AVEN: variants seen among roughly 807,000 people sequenced by gnomAD.
The protein encoded by AVEN is cell death regulator Aven.
A neutral mutation model predicts 38.1 loss-of-function variants in AVEN; 41 were observed. That is an observed-to-expected ratio of 1.08 (90% CI 0.84 to 1.40). The LOEUF (loss-of-function observed/expected upper bound fraction) is 1.40, where lower values mean the gene tolerates loss of function less well. Ranked by LOEUF, AVEN falls within the 40% of genes most tolerant of loss-of-function variation. The pLI, the probability that AVEN is intolerant of heterozygous loss-of-function variation, is 0.00. For missense variants in AVEN, 605 were observed against 438.8 expected, an observed-to-expected ratio of 1.38 and a Z score of -3.38; for synonymous variants, 206 against 171.8, an observed-to-expected ratio of 1.20 and a Z score of -1.56.
rs553071579 is a variant in AVEN, at chr15:33,881,912, C to G, written c.446-5917G>C. ...GAAAACCAGAAAAGAACAGTGACAG[C>G]CAACTGTAGTTGACAAGGGAACAAA... On this transcript the variant is annotated intron_variant, in intron 2 of 5. Transcript: ENST00000306730. Among the ~76,000 whole-genome samples the G allele has an allele frequency of 3.9e-5, 6 of 152,272 alleles. No homozygotes were observed. The South Asian group carries it at 1.2e-3, about 32-fold the overall frequency.
intron 4 of AVEN, among the ~76,000 whole-genome samples, chr15:33,870,271 C>T (rs1217535875): frequency 3.3e-5 from 5 of 152,220 alleles, no homozygotes; most frequent in African/African-American, 1.2e-4. Context: ...CCCTCACCTG[C>T]TCTGTGCATG....
chr15:34,021,578 T>C (rs1420167738), intron 1 of AVEN, among the ~76,000 whole-genome samples: 2 of 152,036 alleles, frequency 1.3e-5, no homozygotes, highest in East Asian at 1.9e-4. Flanking sequence ...CACATGGCCG[T>C]GTAAGGTGGC....
intron 5 of AVEN, among the ~76,000 whole-genome samples, chr15:34,055,577 G>A (rs186221423): frequency 3.9e-5 from 6 of 151,958 alleles, no homozygotes; most frequent in Non-Finnish European, 5.9e-5. Context: ...TGAGGTGGGC[G>A]GATCATGAGG....
chr15:33,897,055 A>C (rs897305991), intron 2 of AVEN, among the ~76,000 whole-genome samples: 15 of 152,198 alleles, frequency 9.9e-5, no homozygotes, highest in Admixed American at 6.5e-4. Flanking sequence ...ATGTGAAAGA[A>C]GCCAGACATA....
intron 2 of AVEN, among the ~76,000 whole-genome samples, chr15:33,966,847 T>C (rs1323222296): frequency 2.6e-5 from 4 of 152,156 alleles, no homozygotes; most frequent in East Asian, 1.9e-4. Flanking sequence ...TTAAAATCCA[T>C]TGGGAAGAAA....
At chr15:33,999,937 C>T (rs770928023) in intron 2 of AVEN, among the ~76,000 whole-genome samples, 1 of 152,202 alleles carries the variant, frequency 6.6e-6, no homozygotes, top group Non-Finnish European at 1.5e-5. Flanking sequence ...CAATGGTCTA[C>T]AATACTACGC....
At position 34,073,989 on chromosome 15, in the gene AVEN, C is replaced by CTTTTTTTTTTTTTTTTTTT. The variant is rs5811818; in HGVS notation, n.720+428_720+446dup. Among the ~76,000 whole-genome samples, 47 of 31,488 alleles carry CTTTTTTTTTTTTTTTTTTT rather than the reference C, an allele frequency of 1.5e-3. 6 individuals carry two copies. Among genetic ancestry groups the CTTTTTTTTTTTTTTTTTTT allele is most frequent in the Non-Finnish European group, 2.4e-3 (24 of 10,128 alleles). 20.7% of individuals were successfully genotyped at this position (31,488 alleles called of 152,430 possible). ...AGGAACTTTCTTTTTTCTTCTTCTT[C>CTTTTTTTTTTTTTTTTTTT]TTTTTTTTTTTTTTTTTTTTTTTTT... On this transcript the variant is annotated intron_variant and non_coding_transcript_variant, in intron 1 of 11. Coordinates refer to the AVEN transcript ENST00000675287.
chr15:34,001,661 G>A (rs926303043), intron 2 of AVEN, among the ~76,000 whole-genome samples: 2 of 152,014 alleles, frequency 1.3e-5, no homozygotes, highest in African/African-American at 4.8e-5. Context: ...AATGAGTTGA[G>A]AGCAATCCAC....
intron 11 of AVEN, chr15:33,859,647 G>C (rs763711404): frequency 6.2e-7 from 1 of 1,613,952 alleles, no homozygotes; most frequent in Admixed American, 1.7e-5. Context: ...AGACCCTGCT[G>C]GTGATCCTTA....
Position 34,037,105 on chromosome 15 carries a change from G to A in AVEN, c.267+1675C>T, listed in dbSNP as rs550032860. On this transcript the variant is annotated intron_variant, in intron 1 of 5. Transcript: ENST00000306730. ...GCCTGGGCAACAAGAGTAAAACTCC[G>A]TCTCAAAAAAAAAAAAAAAATATAT... 4.2e-3 allele frequency among the ~76,000 whole-genome samples: 531 copies of A among 125,500 alleles called. 4 individuals carry two copies. Among genetic ancestry groups the A allele is most frequent in the African/African-American group, 0.021 (497 of 23,294 alleles). The allele number at this position is 125,500 out of a possible 152,430, so 82.3% of individuals were successfully genotyped here. A position where few individuals can be genotyped will look rare whatever the true frequency, so the allele number is the denominator to read the frequency against.
chr15:33,999,030 C>T (rs1023561134), intron 2 of AVEN, among the ~76,000 whole-genome samples: 1 of 152,246 alleles, frequency 6.6e-6, no homozygotes, highest in African/African-American at 2.4e-5. Context: ...AGATGTTGTG[C>T]TGGGTCTCTT....
At chr15:33,906,273 T>C (rs760492120) in intron 2 of AVEN, among the ~76,000 whole-genome samples, 11 of 152,204 alleles carry the variant, frequency 7.2e-5, no homozygotes, top group Non-Finnish European at 1.5e-4. Flanking sequence ...AAGCCCTCCA[T>C]ACCAGTGTAT....
At chr15:33,952,869 A>C (rs183131690) in intron 2 of AVEN, among the ~76,000 whole-genome samples, 21 of 152,160 alleles carry the variant, frequency 1.4e-4, no homozygotes, top group Admixed American at 3.3e-4. Flanking sequence ...AAAAAAAAAA[A>C]AAAACACTTC....
At chr15:33,888,967 CG>C (rs1359882670) in intron 2 of AVEN, among the ~76,000 whole-genome samples, 1 of 152,032 alleles carries the variant, frequency 6.6e-6, no homozygotes, top group African/African-American at 2.4e-5. Context: ...CCACCTGCCT[CG>C]GCCTCCCAAA....
chr15:34,040,913 G>T (rs1484987743), upstream of AVEN, among the ~76,000 whole-genome samples: 1 of 144,586 alleles, frequency 6.9e-6, no homozygotes, highest in Non-Finnish European at 1.5e-5. Flanking sequence ...AAAAAAAAAA[G>T]ATTTCAACAT....
intron 2 of AVEN, among the ~76,000 whole-genome samples, chr15:33,881,455 C>T (rs1458693388): frequency 6.6e-6 from 1 of 152,134 alleles, no homozygotes; most frequent in Non-Finnish European, 1.5e-5. Flanking sequence ...TGCAGTGGCA[C>T]AATCATAGCT....
intron 2 of AVEN, among the ~76,000 whole-genome samples, chr15:33,980,186 A>G (rs1226568505): frequency 6.6e-6 from 1 of 152,240 alleles, no homozygotes; most frequent in Non-Finnish European, 1.5e-5. Flanking sequence ...AAGACACATT[A>G]AAGTATGTAA....
intron 2 of AVEN, among the ~76,000 whole-genome samples, chr15:33,918,053 T>C (rs550113900): frequency 6.6e-6 from 1 of 152,170 alleles, no homozygotes; most frequent in South Asian, 2.1e-4. Flanking sequence ...TTTGGATATA[T>C]CCAGTTCAAT....
chr15:34,001,043 G>A (rs1261815952), intron 2 of AVEN, among the ~76,000 whole-genome samples: 20 of 138,562 alleles, frequency 1.4e-4, no homozygotes, highest in Admixed American at 5.8e-4. Context: ...TTTTTGAGAC[G>A]GAGTTTTGCT....
Sources: gnomAD v4.1 joint callset for allele counts (sites outside exome capture counted in the v4.1 genomes callset) on GRCh38, gnomAD v4.1.1 for gene constraint, MANE v1.5 for transcripts, NCBI Gene and HGNC (gene_info 2026-07-23, HGNC 2026-07-21) for gene names.